The following ANKRD30B variants were observed in gnomAD, a reference collection of about 807,000 sequenced individuals.
ANKRD30B encodes ankyrin repeat domain-containing protein 30B.
A neutral mutation model predicts 202.2 loss-of-function variants in ANKRD30B; 144 were observed. The ratio of observed to expected loss-of-function variants is 0.71; its 90% confidence interval spans 0.62 to 0.82. The LOEUF is 0.82. Ranked by LOEUF, ANKRD30B falls within the 40% of genes least tolerant of loss-of-function variation. The probability of loss-of-function intolerance (pLI) is 0.00; values close to 1 mark genes in which losing one functional copy is unlikely to be tolerated. For missense variants in ANKRD30B, 1,487 were observed against 1,669.1 expected (o/e 0.89, Z 1.90); for synonymous variants, 508 against 561.3 (o/e 0.91, Z 1.34).
chr18:14,800,366 C>G (rs1969232882), intron 22 of ANKRD30B, among the ~76,000 whole-genome samples: 1 of 150,164 alleles, frequency 6.7e-6, no homozygotes, highest in African/African-American at 2.5e-5. Context: ...GTTGTCTTGC[C>G]CAGGCTGGAG....
downstream of ANKRD30B, among the ~76,000 whole-genome samples, chr18:14,856,124 C>A (rs1972101179): frequency 7.1e-6 from 1 of 139,942 alleles, no homozygotes. Flanking sequence ...ACGGGGAGAC[C>A]AGGAAGAGGT....
chr18:14,789,047 C>T (rs1968286299), intron 15 of ANKRD30B, among the ~76,000 whole-genome samples: 2 of 151,648 alleles, frequency 1.3e-5, no homozygotes, highest in Admixed American at 1.3e-4. Flanking sequence ...CACATCCTCT[C>T]CAGCACCTGT....
chr18:14,927,160 G>A, the ANKRD30B span, among the ~76,000 whole-genome samples: 9 of 152,026 alleles, frequency 5.9e-5, no homozygotes, highest in Non-Finnish European at 1.2e-4. Flanking sequence ...TTAGGCAAAT[G>A]CTAACAACTA....
chr18:14,873,847 G>A, the ANKRD30B span, among the ~76,000 whole-genome samples: 7 of 152,228 alleles, frequency 4.6e-5, no homozygotes, highest in South Asian at 2.1e-4. Context: ...AGAGCCGAGC[G>A]AGGAATGGGT....
At position 14,769,353 on chromosome 18, in the gene ANKRD30B, T is replaced by C; in HGVS notation, c.1236T>C (p.Ser412=). 1 of 1,543,764 alleles carries C rather than the reference T, an allele frequency of 6.5e-7. No individual in the cohort carries two copies. Among genetic ancestry groups the C allele is most frequent in the Non-Finnish European group, 8.7e-7 (1 of 1,142,950 alleles). ...STKASTNVDV[S]SVEPIFSLFG... Reference sequence around the variant, plus strand: ...TTTTTTCTTTAATAGTGGATGTGAGTTCTGTAGAGCCTATATTCAGGTAAG... The same window carrying C: ...TTTTTTCTTTAATAGTGGATGTGAGCTCTGTAGAGCCTATATTCAGGTAAG... Residue 412 remains serine (S), a synonymous_variant, in exon 8 of 44, where the codon AGT becomes AGC. Transcript: ENST00000690538.
At chr18:14,933,776 G>A in the ANKRD30B span, among the ~76,000 whole-genome samples, 15 of 152,270 alleles carry the variant, frequency 9.9e-5, no homozygotes, top group African/African-American at 1.4e-4. Context: ...CGGAGGGAAG[G>A]CGCATTGAGA....
At chr18:14,844,681 C>T (rs1431522093) in intron 39 of ANKRD30B, among the ~76,000 whole-genome samples, 4 of 152,172 alleles carry the variant, frequency 2.6e-5, no homozygotes, top group Non-Finnish European at 5.9e-5. Flanking sequence ...AATGGTTGAG[C>T]GAGTTTACAC....
Position 14,852,398 on chromosome 18 carries a change from A to G in ANKRD30B, c.4454A>G (p.Glu1485Gly), listed in dbSNP as rs558812705. The change falls in exon 42 of 44, where the codon GAA (glutamate) becomes GGA (glycine). Residue 1485 changes from glutamate to glycine, a missense_variant. This residue lies in a region of ANKRD30B where 182 missense variants were observed against 216.0 expected (regional missense o/e 0.84). Transcript: ENST00000690538. ...NHLKERIDQY[E>G]KEKAEREVIV... ...TTAAAAGAACGTATAGATCAATATG[A>G]AAAAGAGAAAGCAGAAAGAGAAGTA... 2.2e-4 allele frequency: 329 copies of G among 1,521,192 alleles called. 1 individual carries two copies. In the African/African-American group the frequency reaches 4.2e-3, roughly 20 times the overall value. 94.2% of individuals were successfully genotyped at this position (1,521,192 alleles called of 1,614,324 possible).
rs73959409 is a variant in ANKRD30B at position 14,781,636 on chromosome 18, C to T, written c.1483-891C>T. 6.2e-3 allele frequency among the ~76,000 whole-genome samples: 175 copies of T among 28,338 alleles called. 1 individual carries two copies. The highest frequency in any genetic ancestry group is 0.019 in the African/African-American group (171 of 9,056). The allele number at this position is 28,338 out of a possible 152,430, so 18.6% of individuals were successfully genotyped here. On this transcript the variant is annotated intron_variant, in intron 11 of 43. Transcript: ENST00000690538. ...CGGCAGCACTCCTCTCCAGGAGGCA[C>T]CAGCTGCAGGGAGTCTGTCCCTTGC...
Position 14,784,500 on chromosome 18 carries a change from C to T in ANKRD30B, c.1637C>T (p.Ala546Val). The T allele has an allele frequency of 6.2e-7, 1 of 1,612,954 alleles. No homozygotes were observed. The highest frequency in any genetic ancestry group is 8.5e-7 in the Non-Finnish European group (1 of 1,179,270). ...ATGCAAAAGACTGTTCCAAATAAAG[C>T]CTTTGAATTGAAGAATGAACAAACA... ...VEMQKTVPNK[A>V]FELKNEQTLR... is the part of the protein sequence containing the mutation. Residue 546 changes from alanine (A) to valine (V), a missense_variant, in exon 14 of 44, where the codon GCC becomes GTC. By Grantham distance (64) the Ala-to-Val change is moderately conservative. Around this residue, in one of 6 missense-constraint regions of ANKRD30B, gnomAD observed 889 missense variants for 841.4 expected, o/e 1.06. Coordinates refer to ENST00000690538, the MANE Select transcript of ANKRD30B (RefSeq NM_001367607.2).
At chr18:14,863,138 AATTGT>A in the ANKRD30B span, among the ~76,000 whole-genome samples, 1 of 152,008 alleles carries the variant, frequency 6.6e-6, no homozygotes, top group African/African-American at 2.4e-5. Context: ...GAGAGATGAT[AATTGT>A]ATTGTGCAAT....
downstream of ANKRD30B, among the ~76,000 whole-genome samples, chr18:14,855,692 T>G (rs1041327347): frequency 6.9e-6 from 1 of 145,664 alleles, no homozygotes; most frequent in Non-Finnish European, 1.5e-5. Flanking sequence ...GAGGCACTCC[T>G]CACCTCCCAG....
chr18:14,867,683 G>A, the ANKRD30B span, among the ~76,000 whole-genome samples: 1 of 152,108 alleles, frequency 6.6e-6, no homozygotes, highest in South Asian at 2.1e-4. Context: ...GGGAGGACTG[G>A]CTGGGTCTGA....
At chr18:14,923,379 G>A in the ANKRD30B span, among the ~76,000 whole-genome samples, 1 of 152,180 alleles carries the variant, frequency 6.6e-6, no homozygotes, top group Admixed American at 6.5e-5. Context: ...AGTACTCCCT[G>A]TGTGCCTGTG....
At chr18:14,847,844 T>C (rs1971717707) in intron 39 of ANKRD30B, among the ~76,000 whole-genome samples, 1 of 152,022 alleles carries the variant, frequency 6.6e-6, no homozygotes, top group East Asian at 1.9e-4. Context: ...TGATTTTCTC[T>C]AATTTTATAA....
chr18:14,798,742 G>A (rs1202599551), intron 20 of ANKRD30B, among the ~76,000 whole-genome samples: 1 of 152,128 alleles, frequency 6.6e-6, no homozygotes, highest in East Asian at 1.9e-4. Context: ...CCTTGGTGAT[G>A]TGAAACCTCC....
At chr18:14,893,978 G>A in the ANKRD30B span, among the ~76,000 whole-genome samples, 2 of 151,188 alleles carry the variant, frequency 1.3e-5, no homozygotes, top group African/African-American at 2.4e-5. Context: ...GAGAGAGAGA[G>A]AATCAGCTCT....
intron 18 of ANKRD30B, among the ~76,000 whole-genome samples, 198 bp downstream of exon 18, chr18:14,796,613 A>G (rs866177982): frequency 1.3e-5 from 2 of 152,146 alleles, no homozygotes; most frequent in South Asian, 2.1e-4. Flanking sequence ...CAAAAAATTC[A>G]GCTTTGCCTC....
chr18:14,844,604 T>C (rs1007364358), intron 39 of ANKRD30B, among the ~76,000 whole-genome samples: 2 of 152,250 alleles, frequency 1.3e-5, no homozygotes, highest in Non-Finnish European at 2.9e-5. Context: ...TATCCAGTAA[T>C]GGGATCGCTG....
Sources: gnomAD v4.1 joint callset for allele counts (sites outside exome capture counted in the v4.1 genomes callset) on GRCh38, gnomAD v4.1.1 for gene constraint, gnomAD v4.1.1 regional missense constraint, MANE v1.5 for transcripts, NCBI Gene and HGNC (gene_info 2026-07-23, HGNC 2026-07-21) for gene names.